The following DUS2 variants were observed in gnomAD, a reference collection of about 807,000 sequenced individuals.
The protein encoded by DUS2 is dihydrouridine synthase 2.
Under a neutral mutation model 71.3 loss-of-function variants are expected in DUS2, and 52 were observed. The observed-to-expected ratio is 0.73, with a 90% confidence interval of 0.58 to 0.92. The LOEUF is 0.92. DUS2 is among the 40% of genes least tolerant of loss of function. DUS2 has a pLI of 0.00. For synonymous variants in DUS2, 204 were observed against 227.8 expected (o/e 0.90, Z 0.94); for missense variants, 558 against 622.6 (o/e 0.90, Z 1.10).
chr16:68,063,837 C>T (rs2033972061), intron 8 of DUS2, among the ~76,000 whole-genome samples: 1 of 152,162 alleles, frequency 6.6e-6, no homozygotes, highest in Non-Finnish European at 1.5e-5. Flanking sequence ...GATTCTCCTG[C>T]CTCAGCCTCT....
chr16:68,074,251 A>C, intron 13 of DUS2, 96 bp downstream of exon 13: 2 of 1,485,858 alleles, frequency 1.3e-6, no homozygotes, highest in Non-Finnish European at 1.8e-6. Flanking sequence ...CCAGGGACAC[A>C]GCTTCTGGAT....
At chr16:68,035,707 TG>T (rs111425425) in intron 2 of DUS2, among the ~76,000 whole-genome samples, 1 of 145,554 alleles carries the variant, frequency 6.9e-6, no homozygotes. Flanking sequence ...TCATTCTATG[TG>T]GTTTTTTTTT....
chr16:68,042,555 C>T (rs570975239), intron 3 of DUS2, among the ~76,000 whole-genome samples: 1 of 152,114 alleles, frequency 6.6e-6, no homozygotes, highest in Non-Finnish European at 1.5e-5. Context: ...GAGACAGAGT[C>T]TTATCCTGTC....
intron 2 of DUS2, among the ~76,000 whole-genome samples, chr16:68,025,737 A>G (rs2033339285): frequency 6.6e-6 from 1 of 152,052 alleles, no homozygotes; most frequent in African/African-American, 2.4e-5. Context: ...ATTAACTTCT[A>G]AATGTTTTCT....
At chr16:68,073,721 T>C (rs1377793857) in intron 12 of DUS2, among the ~76,000 whole-genome samples, 1 of 152,166 alleles carries the variant, frequency 6.6e-6, no homozygotes, top group African/African-American at 2.4e-5. Context: ...GGTGCTGTGA[T>C]TACAGGCGTG....
intron 3 of DUS2, among the ~76,000 whole-genome samples, chr16:68,041,191 A>C (rs1213159975): frequency 6.6e-6 from 1 of 151,994 alleles, no homozygotes; most frequent in Non-Finnish European, 1.5e-5. Context: ...GTGCCACTGC[A>C]CTCCAGCCTG....
chr16:68,062,780 G>C (rs2033958116), intron 8 of DUS2, among the ~76,000 whole-genome samples: 1 of 150,046 alleles, frequency 6.7e-6, no homozygotes, highest in Admixed American at 6.6e-5. Flanking sequence ...GCCAGCTTGT[G>C]AACTATAGTC....
At chr16:68,066,693 C>T in intron 10 of DUS2, 57 bp downstream of exon 10, 3 of 1,549,260 alleles carry the variant, frequency 1.9e-6, no homozygotes, top group Non-Finnish European at 2.7e-6. Flanking sequence ...CTTAGTGATC[C>T]TTCCTTAATT....
In DUS2 at chr16:68,079,152, G is replaced by T; in HGVS notation, c.*166G>T. On this transcript the variant is annotated 3_prime_UTR_variant, in exon 17 of 17. Transcript: ENST00000565263. ...TAGAGCATGGACCAGGGGCCGCCCA[G>T]GGGTGGATCCTGGCCCCTTTGGTGG... The T allele has an allele frequency of 1.7e-6, 1 of 575,298 alleles. No individual in the cohort carries two copies. Among genetic ancestry groups the T allele is most frequent in the Non-Finnish European group, 2.9e-6 (1 of 346,834 alleles). The allele number at this position is 575,298 out of a possible 1,614,324, so 35.6% of individuals were successfully genotyped here.
chr16:68,062,095 C>G (rs938330272), intron 8 of DUS2, among the ~76,000 whole-genome samples: 11 of 152,192 alleles, frequency 7.2e-5, no homozygotes, highest in African/African-American at 2.2e-4. Context: ...ACTGCAACCT[C>G]TGCCTCCAGG....
At position 68,078,864 on chromosome 16, in the gene DUS2, G is replaced by A. The variant is rs34202379; in HGVS notation, c.1360G>A (p.Glu454Lys). The A allele has an allele frequency of 2.5e-5, 41 of 1,613,894 alleles. No individual in the cohort carries two copies. The East Asian group carries it at 8.2e-4, about 32-fold the overall frequency. Residue 454 changes from glutamate to lysine, a missense_variant, in exon 17 of 17, where the codon GAG becomes AAG. Glu to Lys is a moderately conservative substitution (Grantham distance 56). Coordinates refer to ENST00000565263, the MANE Select transcript of DUS2 (RefSeq NM_017803.5). ...ESPSLHKRKR[E>K]APDQDPGGPR... is the part of the protein sequence containing the mutation. ...CCCTTCCTTGCACAAGCGAAAGAGG[G>A]AGGCTCCTGACCAAGACCCTGGGGG...
At chr16:68,047,246 G>A (rs1396165982) in intron 3 of DUS2, among the ~76,000 whole-genome samples, 3 of 149,890 alleles carry the variant, frequency 2.0e-5, no homozygotes, top group African/African-American at 7.4e-5. Flanking sequence ...AGTAGAGATG[G>A]AGTTTCACCA....
Position 68,070,205 on chromosome 16 carries a change from TTC to T in DUS2, c.627_628del (p.Pro210CysfsTer9). The T allele has an allele frequency of 6.2e-7, 1 of 1,614,116 alleles. No individual in the cohort carries two copies. Among genetic ancestry groups the T allele is most frequent in the Non-Finnish European group, 8.5e-7 (1 of 1,179,962 alleles). ...AAAGCCATTGCTGATACCCTCTCCA[TTC>T]CTGTCATAGCCAAGTAAGCCTCCTG... is the stretch of plus-strand genomic sequence containing the variant. On this transcript the variant is annotated frameshift_variant, in exon 11 of 17. Transcript: ENST00000565263. LOFTEE classifies it high-confidence loss of function.
chr16:68,030,164 A>G (rs546015827), intron 2 of DUS2, among the ~76,000 whole-genome samples: 1 of 152,284 alleles, frequency 6.6e-6, no homozygotes, highest in Admixed American at 6.5e-5. Flanking sequence ...TGAAAGCACT[A>G]TAATTAATGG....
chr16:68,068,248 C>A (rs1246133366), intron 10 of DUS2, among the ~76,000 whole-genome samples: 5 of 152,124 alleles, frequency 3.3e-5, no homozygotes, highest in African/African-American at 9.7e-5. Flanking sequence ...TGTGCTCTTA[C>A]AACATTTTCA....
intron 12 of DUS2, among the ~76,000 whole-genome samples, chr16:68,072,221 C>A (rs2034097704): frequency 6.6e-6 from 1 of 152,210 alleles, no homozygotes; most frequent in Non-Finnish European, 1.5e-5. Context: ...CAGAGCTGGG[C>A]AGCCTTTGTC....
chr16:68,052,279 C>G (rs2151419515), intron 4 of DUS2, among the ~76,000 whole-genome samples: 1 of 152,132 alleles, frequency 6.6e-6, no homozygotes, highest in South Asian at 2.1e-4. Flanking sequence ...TGAAATATAC[C>G]ACAAAAGGGA....
At chr16:68,031,228 C>T (rs1410981448) in intron 2 of DUS2, among the ~76,000 whole-genome samples, 2 of 152,066 alleles carry the variant, frequency 1.3e-5, no homozygotes, top group African/African-American at 4.8e-5. Context: ...AATGCAGTGG[C>T]GTGATCTCTC....
At chr16:68,057,930 C>T (rs944147072) in intron 7 of DUS2, among the ~76,000 whole-genome samples, 5 of 149,278 alleles carry the variant, frequency 3.3e-5, no homozygotes, top group African/African-American at 4.9e-5. Flanking sequence ...TTCCCATTGT[C>T]GTATCAGAAG....
Sources: allele counts gnomAD v4.1 joint callset (sites outside exome capture counted in the v4.1 genomes callset), GRCh38; gene constraint gnomAD v4.1.1; transcripts MANE v1.5; gene names NCBI Gene and HGNC (gene_info 2026-07-23, HGNC 2026-07-21).